The following SMG6 variants were observed in gnomAD, a reference collection of about 807,000 sequenced individuals.
The protein encoded by SMG6 is telomerase-binding protein EST1A.
In SMG6, 66 loss-of-function variants were observed where a neutral mutation model predicts 142.2. The observed-to-expected ratio is 0.46, with a 90% CI of 0.38 to 0.57. The LOEUF (loss-of-function observed/expected upper bound fraction) is 0.57, where lower values mean the gene tolerates loss of function less well. SMG6 is among the 20% of genes least tolerant of loss of function. The pLI is 0.00. For missense variants in SMG6, 1,793 were observed against 1,832.0 expected (o/e 0.98, Z 0.39); for synonymous variants, 779 against 702.4 (o/e 1.11, Z -1.72).
intron 8 of SMG6, chr17:2,266,181 C>G (rs545172830): frequency 1.0e-6 from 1 of 985,402 alleles, no homozygotes; most frequent in Admixed American, 6.1e-5. Context: ...CCTGGAAATT[C>G]TGACGGGTAT....
intron 13 of SMG6, among the ~76,000 whole-genome samples, chr17:2,139,581 C>A (rs967103868): frequency 1.3e-5 from 2 of 151,984 alleles, no homozygotes; most frequent in African/African-American, 4.8e-5. Context: ...GCCACCATGC[C>A]TGGCTAATTT....
chr17:2,118,948 T>C (rs2069593563), intron 13 of SMG6, among the ~76,000 whole-genome samples: 1 of 150,706 alleles, frequency 6.6e-6, no homozygotes. Context: ...CCAGGCTGGA[T>C]GGAGTGCAGA....
chr17:2,164,417 T>C (rs906905479), intron 13 of SMG6, among the ~76,000 whole-genome samples: 1 of 151,870 alleles, frequency 6.6e-6, no homozygotes, highest in Non-Finnish European at 1.5e-5. Context: ...AGCAAAACGC[T>C]GTCTCAGAAA....
At chr17:2,236,776 T>C in intron 9 of SMG6, 139 bp from the exon 10 acceptor site, 2 of 1,344,016 alleles carry the variant, frequency 1.5e-6, no homozygotes, top group Non-Finnish European at 1.9e-6. Context: ...CCTAGGACAT[T>C]TCTTTGCTAC....
intron 13 of SMG6, among the ~76,000 whole-genome samples, chr17:2,122,890 G>T (rs2069748205): frequency 6.6e-6 from 1 of 152,224 alleles, no homozygotes; most frequent in Non-Finnish European, 1.5e-5. Flanking sequence ...GAGCACAGAG[G>T]GGCCCCTTCC....
intron 13 of SMG6, among the ~76,000 whole-genome samples, chr17:2,148,517 A>G (rs1461212291): frequency 6.6e-6 from 1 of 152,252 alleles, no homozygotes; most frequent in Non-Finnish European, 1.5e-5. Context: ...TCACAAAAGG[A>G]CAAATATTTT....
intron 9 of SMG6, among the ~76,000 whole-genome samples, chr17:2,241,309 C>A (rs974702583): frequency 9.9e-5 from 15 of 152,126 alleles, no homozygotes; most frequent in African/African-American, 2.9e-4. Context: ...AAAGAAAACT[C>A]TCAAACATCC....
intron 15 of SMG6, among the ~76,000 whole-genome samples, chr17:2,069,256 G>A (rs2068032251): frequency 6.6e-6 from 1 of 152,126 alleles, no homozygotes; most frequent in South Asian, 2.1e-4. Flanking sequence ...AGGTTCCTTA[G>A]ATATGAAAGT....
intron 8 of SMG6, among the ~76,000 whole-genome samples, chr17:2,258,045 A>ACC (rs2074230743): frequency 8.5e-6 from 1 of 118,104 alleles, no homozygotes; most frequent in Non-Finnish European, 1.8e-5. Context: ...ATATACACAC[A>ACC]CACACACACA....
intron 6 of SMG6, among the ~76,000 whole-genome samples, chr17:2,290,769 T>A (rs1007761197): frequency 2.0e-5 from 3 of 152,136 alleles, no homozygotes; most frequent in Non-Finnish European, 4.4e-5. Context: ...AACTCAATTT[T>A]AAAAATGGGC....
intron 13 of SMG6, chr17:2,127,529 T>A: frequency 1.6e-6 from 1 of 635,446 alleles, no homozygotes; most frequent in Non-Finnish European, 3.0e-6. Context: ...AGCATGGTTT[T>A]GGGGCCAGCA....
intron 8 of SMG6, among the ~76,000 whole-genome samples, chr17:2,252,819 A>G (rs1054462898): frequency 1.3e-5 from 2 of 152,224 alleles, no homozygotes; most frequent in African/African-American, 4.8e-5. Flanking sequence ...CCACTGGGCT[A>G]TATCAGACAC....
At chr17:2,252,793 T>C (rs73979438) in intron 8 of SMG6, among the ~76,000 whole-genome samples, 1,882 of 152,268 alleles carry the variant, frequency 0.012, 48 homozygotes, top group African/African-American at 0.043. Flanking sequence ...CTGTGAAAGA[T>C]AGCCAGATTT....
chr17:2,132,344 C>T (rs905879598), intron 13 of SMG6, among the ~76,000 whole-genome samples: 1 of 152,090 alleles, frequency 6.6e-6, no homozygotes, highest in African/African-American at 2.4e-5. Context: ...TGAATGAACG[C>T]GAGAAGTCAA....
intron 6 of SMG6, among the ~76,000 whole-genome samples, chr17:2,291,293 T>A (rs922829611): frequency 6.6e-6 from 1 of 150,694 alleles, no homozygotes; most frequent in Non-Finnish European, 1.5e-5. Flanking sequence ...ATCGCGCCAC[T>A]GCACTCCAGC....
At chr17:2,173,583 C>A (rs1567658248) in intron 12 of SMG6, among the ~76,000 whole-genome samples, 1 of 152,046 alleles carries the variant, frequency 6.6e-6, no homozygotes, top group Admixed American at 6.5e-5. Context: ...TGGGACTGTC[C>A]CAGTTTTAGC....
At chr17:2,232,861 G>A (rs966591721) in intron 10 of SMG6, 11 of 152,156 alleles carry the variant, frequency 7.2e-5, no homozygotes, top group African/African-American at 2.7e-4. Context: ...AGCAGAGTGG[G>A]CTCCTAGGAA....
At chr17:2,096,086 A>C (rs190566520) in intron 13 of SMG6, among the ~76,000 whole-genome samples, 70 of 152,116 alleles carry the variant, frequency 4.6e-4, no homozygotes, top group African/African-American at 1.7e-3. Flanking sequence ...TTTTTGAAAC[A>C]GAGTCTTGCT....
chr17:2,118,222 C>G (rs1276818733), intron 13 of SMG6, among the ~76,000 whole-genome samples: 3 of 151,784 alleles, frequency 2.0e-5, no homozygotes, highest in Non-Finnish European at 2.9e-5. Context: ...GCCTAGGTGA[C>G]AGAGCAAGAC....
Sources: gnomAD v4.1 joint callset for allele counts (sites outside exome capture counted in the v4.1 genomes callset) on GRCh38, gnomAD v4.1.1 for gene constraint, MANE v1.5 for transcripts, NCBI Gene and HGNC (gene_info 2026-07-23, HGNC 2026-07-21) for gene names.